The following PARD3B variants were observed in gnomAD, a reference collection of about 807,000 sequenced individuals.
PARD3B encodes par-3 family cell polarity regulator beta.
A neutral mutation model predicts 130.2 loss-of-function variants in PARD3B; 103 were observed. The observed-to-expected ratio is 0.79, with a 90% CI of 0.67 to 0.93. The LOEUF (loss-of-function observed/expected upper bound fraction) is 0.93, where lower values mean the gene tolerates loss of function less well. PARD3B is among the 40% of genes least tolerant of loss of function. PARD3B has a pLI of 0.00. For missense variants in PARD3B, 1,609 were observed against 1,499.2 expected, an observed-to-expected ratio of 1.07 and a Z score of -1.21; for synonymous variants, 583 against 553.2, an observed-to-expected ratio of 1.05 and a Z score of -0.76.
At position 205,542,384 on chromosome 2, in the gene PARD3B, A is replaced by G. The variant is rs3077827; in HGVS notation, c.3181-10940A>G. 4.7e-3 allele frequency among the ~76,000 whole-genome samples: 197 copies of G among 41,794 alleles called. 1 individual carries two copies. The highest frequency in any genetic ancestry group is 0.01 in the African/African-American group (146 of 14,578). The allele number at this position is 41,794 out of a possible 152,430, so 27.4% of individuals were successfully genotyped here. On this transcript the variant is annotated intron_variant, in intron 21 of 22. Coordinates refer to ENST00000406610, the MANE Select transcript of PARD3B (RefSeq NM_001302769.2). ...TGTGTGTGTGTGTGTGTGTGTGTGT[A>G]TGTATGTATGTATGTGTGCTTATTT...
At position 205,617,805 on chromosome 2, in the gene PARD3B, A is replaced by T. The variant is rs1042828860; in HGVS notation, c.*1992A>T. On this transcript the variant is annotated 3_prime_UTR_variant, in exon 23 of 23. Coordinates refer to ENST00000406610, the MANE Select transcript of PARD3B (RefSeq NM_001302769.2). ...TTGAATACACCTTAAGGAAAATGATAACACGAGGGACGTGTAACTTGTTTT... is the reference window on the plus strand; with the variant it reads ...TTGAATACACCTTAAGGAAAATGATTACACGAGGGACGTGTAACTTGTTTT... The T allele has an allele frequency of 5.3e-5, 8 of 152,330 alleles. No individual in the cohort carries two copies. Among genetic ancestry groups the T allele is most frequent in the African/African-American group, 1.9e-4 (8 of 41,572 alleles). The allele number at this position is 152,330 out of a possible 1,614,324, so 9.4% of individuals were successfully genotyped here. A position where few individuals can be genotyped will look rare whatever the true frequency, so the allele number is the denominator to read the frequency against.
At chr2:205,206,808 C>G (rs541454184) in intron 15 of PARD3B, among the ~76,000 whole-genome samples, 1 of 151,798 alleles carries the variant, frequency 6.6e-6, no homozygotes, top group African/African-American at 2.4e-5. Context: ...GACAGATCAA[C>G]GAGACAGAAA....
chr2:204,621,772 T>C (rs891113719), intron 1 of PARD3B, among the ~76,000 whole-genome samples: 1 of 152,232 alleles, frequency 6.6e-6, no homozygotes, highest in African/African-American at 2.4e-5. Flanking sequence ...TTCAACAGTC[T>C]ATCTAAATTA....
chr2:204,648,580 TATATTATATTATATATA>T (rs1435968136), intron 1 of PARD3B, among the ~76,000 whole-genome samples: 1 of 126,908 alleles, frequency 7.9e-6, no homozygotes, highest in Non-Finnish European at 1.6e-5. Flanking sequence ...ATATATATTA[TATATTATATTATATATA>T]ATATATTTAT....
chr2:204,666,783 TATGTTGAG>T (rs2036044559), intron 1 of PARD3B, among the ~76,000 whole-genome samples: 1 of 152,144 alleles, frequency 6.6e-6, no homozygotes, highest in East Asian at 1.9e-4. Context: ...TTTAGGCATC[TATGTTGAG>T]ATGTAAGGTT....
intron 3 of PARD3B, among the ~76,000 whole-genome samples, chr2:205,000,689 C>T (rs961522486): frequency 5.3e-5 from 8 of 152,156 alleles, no homozygotes; most frequent in Admixed American, 3.9e-4. Context: ...TTTATTCAAA[C>T]TTATCACATG....
chr2:205,336,603 C>G (rs983571178), intron 18 of PARD3B, among the ~76,000 whole-genome samples: 2 of 152,192 alleles, frequency 1.3e-5, no homozygotes, highest in Non-Finnish European at 2.9e-5. Context: ...GGGACACATT[C>G]ATTTGTTCAT....
At chr2:204,695,523 T>A (rs2037570396) in intron 2 of PARD3B, among the ~76,000 whole-genome samples, 1 of 152,030 alleles carries the variant, frequency 6.6e-6, no homozygotes, top group Non-Finnish European at 1.5e-5. Flanking sequence ...CATTGACAGT[T>A]TGAATGTAGG....
chr2:204,747,558 C>G (rs2040293071), intron 2 of PARD3B, among the ~76,000 whole-genome samples: 1 of 152,132 alleles, frequency 6.6e-6, no homozygotes, highest in Non-Finnish European at 1.5e-5. Flanking sequence ...CAATGACTTT[C>G]TTCACGTAAT....
intron 2 of PARD3B, among the ~76,000 whole-genome samples, chr2:204,864,540 A>G (rs984512602): frequency 1.7e-4 from 26 of 152,174 alleles, no homozygotes; most frequent in Admixed American, 1.4e-3. Context: ...GTGTCCACGC[A>G]AAGTCCCCCT....
chr2:204,739,578 C>A (rs76771894), intron 2 of PARD3B, among the ~76,000 whole-genome samples: 2 of 152,116 alleles, frequency 1.3e-5, no homozygotes, highest in Non-Finnish European at 2.9e-5. Flanking sequence ...CCTCAGCCTC[C>A]TGAGTAGCTA....
At chr2:205,224,318 C>T (rs544408197) in intron 15 of PARD3B, among the ~76,000 whole-genome samples, 36 of 121,642 alleles carry the variant, frequency 3.0e-4, no homozygotes, top group African/African-American at 1.1e-3. Context: ...TTGCAGTGAG[C>T]GGAGACAGCA....
intron 15 of PARD3B, among the ~76,000 whole-genome samples, chr2:205,199,642 G>A (rs1239004216): frequency 1.3e-5 from 2 of 152,052 alleles, no homozygotes; most frequent in Non-Finnish European, 2.9e-5. Context: ...AGTGTGCGAG[G>A]TGGCCCATTG....
intron 15 of PARD3B, among the ~76,000 whole-genome samples, chr2:205,207,577 A>G (rs574037888): frequency 7.0e-6 from 1 of 142,602 alleles, no homozygotes; most frequent in Non-Finnish European, 1.5e-5. Flanking sequence ...CCATCAGAGA[A>G]TACTACAAAC....
intron 16 of PARD3B, among the ~76,000 whole-genome samples, chr2:205,272,794 A>T (rs2040782644): frequency 6.6e-6 from 1 of 152,156 alleles, no homozygotes; most frequent in African/African-American, 2.4e-5. Flanking sequence ...CTGTCCAAAA[A>T]CTTAACCTCA....
chr2:204,577,046 G>T (rs1400101107), intron 1 of PARD3B, among the ~76,000 whole-genome samples: 1 of 151,918 alleles, frequency 6.6e-6, no homozygotes, highest in Admixed American at 6.6e-5. Flanking sequence ...GGGGGGGATG[G>T]GATAGTTGGG....
chr2:204,858,867 A>G (rs2045067351), intron 2 of PARD3B, among the ~76,000 whole-genome samples: 1 of 150,722 alleles, frequency 6.6e-6, no homozygotes, highest in Non-Finnish European at 1.5e-5. Flanking sequence ...AAACTCATTT[A>G]TGATTTCAGT....
At chr2:204,919,886 G>A (rs1370024170) in intron 2 of PARD3B, among the ~76,000 whole-genome samples, 1 of 151,904 alleles carries the variant, frequency 6.6e-6, no homozygotes, top group Admixed American at 6.6e-5. Flanking sequence ...ACATTTCTGT[G>A]CATCTCCGAG....
intron 20 of PARD3B, among the ~76,000 whole-genome samples, chr2:205,489,567 T>TACATATATACATATATATAC (rs775077563): frequency 0.071 from 10,510 of 147,486 alleles, 586 homozygotes; most frequent in African/African-American, 0.14. Flanking sequence ...TACATATATA[T>TACATATATACATATATATAC]ACACACACAC....
Sources: gnomAD v4.1 joint callset for allele counts (sites outside exome capture counted in the v4.1 genomes callset) on GRCh38, gnomAD v4.1.1 for gene constraint, MANE v1.5 for transcripts, NCBI Gene and HGNC (gene_info 2026-07-23, HGNC 2026-07-21) for gene names.